SHISAL1: variants seen among roughly 807,000 people sequenced by gnomAD.
SHISAL1 encodes the protein protein shisa-like-1.
A neutral mutation model predicts 22.6 loss-of-function variants in SHISAL1; 9 were observed. The ratio of observed to expected loss-of-function variants is 0.40; its 90% CI spans 0.24 to 0.70. The LOEUF (loss-of-function observed/expected upper bound fraction) is 0.70. SHISAL1 is among the 30% of genes least tolerant of loss of function. The probability of loss-of-function intolerance (pLI) is 0.39; values close to 1 mark genes in which losing one functional copy is unlikely to be tolerated. For synonymous variants in SHISAL1, 119 were observed against 115.4 expected (o/e 1.03, Z -0.20); for missense variants, 246 against 270.6 (o/e 0.91, Z 0.64).
intron 2 of SHISAL1, among the ~76,000 whole-genome samples, chr22:44,297,878 C>T (rs1461057797): frequency 2.0e-5 from 3 of 152,230 alleles, no homozygotes; most frequent in Non-Finnish European, 4.4e-5. Flanking sequence ...GCAGGAGTTC[C>T]TCCAGCTCGT....
intron 4 of SHISAL1, among the ~76,000 whole-genome samples, chr22:44,261,615 T>C (rs7286175): frequency 0.11 from 17,362 of 152,234 alleles, 1,244 homozygotes; most frequent in East Asian, 0.29. Flanking sequence ...ATCGCTCCTG[T>C]GGACACAGCC....
rs1271840707 is a variant in SHISAL1 at position 44,246,418 on chromosome 22, T to C, written c.*3267A>G. On this transcript the variant is annotated 3_prime_UTR_variant, in exon 5 of 5. Coordinates refer to ENST00000381176, the MANE Select transcript of SHISAL1 (RefSeq NM_001099294.2). ...AAATTACATGGTGATGGACAGAAGCTCACAGTAAAAAGTAAAAGTAGGCAG... is the reference window on the plus strand; with the variant it reads ...AAATTACATGGTGATGGACAGAAGCCCACAGTAAAAAGTAAAAGTAGGCAG... 2.0e-5 allele frequency: 3 copies of C among 152,158 alleles called. No individual in the cohort carries two copies. Among genetic ancestry groups the C allele is most frequent in the African/African-American group, 7.2e-5 (3 of 41,434 alleles). The allele number at this position is 152,158 out of a possible 1,614,324, so 9.4% of individuals were successfully genotyped here.
chr22:44,245,583 T>C lies in SHISAL1; in HGVS notation c.*4102A>G, dbSNP rs2147261714. The C allele has an allele frequency of 6.6e-6, 1 of 152,302 alleles. No homozygotes were observed. Among genetic ancestry groups the C allele is most frequent in the South Asian group, 2.1e-4 (1 of 4,810 alleles). The allele number at this position is 152,302 out of a possible 1,614,324, so 9.4% of individuals were successfully genotyped here. ...CACAGTCTCTAATAGACAGACATGG[T>C]GATTGTGAAAGCAGCCGAGCCAGCG... On this transcript the variant is annotated 3_prime_UTR_variant, in exon 5 of 5. Coordinates refer to ENST00000381176, the MANE Select transcript of SHISAL1 (RefSeq NM_001099294.2).
At chr22:44,330,917 G>C in the SHISAL1 span, among the ~76,000 whole-genome samples, 1 of 151,956 alleles carries the variant, frequency 6.6e-6, no homozygotes, top group South Asian at 2.1e-4. Flanking sequence ...CACTTGGGAG[G>C]GGTCCTTCTA....
intron 4 of SHISAL1, among the ~76,000 whole-genome samples, chr22:44,267,860 C>G (rs1275947698): frequency 1.3e-5 from 2 of 152,250 alleles, no homozygotes; most frequent in Non-Finnish European, 2.9e-5. Context: ...CAGATCCCAG[C>G]TGCCCAGAGA....
At chr22:44,271,040 GGATA>G (rs2055202554) in intron 4 of SHISAL1, among the ~76,000 whole-genome samples, 1 of 152,208 alleles carries the variant, frequency 6.6e-6, no homozygotes, top group South Asian at 2.1e-4. Flanking sequence ...CAAGAAAAGA[GGATA>G]GATTTTGGGG....
chr22:44,262,197 T>G (rs2055129665), intron 4 of SHISAL1, among the ~76,000 whole-genome samples: 1 of 152,166 alleles, frequency 6.6e-6, no homozygotes, highest in Admixed American at 6.5e-5. Flanking sequence ...GGACAAGGCT[T>G]GTTGGGACGA....
chr22:44,331,381 C>T, the SHISAL1 span, among the ~76,000 whole-genome samples: 2 of 151,308 alleles, frequency 1.3e-5, no homozygotes, highest in Middle Eastern at 3.2e-3. This position sits in a 1 kb window ranked among gnomAD's most constrained non-coding sequence, Gnocchi z 5.2. Flanking sequence ...CGCCCAGACC[C>T]TCCTCCGCCA....
chr22:44,258,072 G>A lies in SHISAL1; in HGVS notation c.*-8387C>T, dbSNP rs557048892. ...GGAGAATTGCTTGAACCCAGGAGGC[G>A]GAGGTTGCGGTGAGCTGAGATCATG... On this transcript the variant is annotated intron_variant, in intron 4 of 4. Transcript: ENST00000381176. Among the ~76,000 whole-genome samples, 14 of 152,200 alleles carry A rather than the reference G, an allele frequency of 9.2e-5. 1 individual carries two copies. Among genetic ancestry groups the A allele is most frequent in the South Asian group, 8.3e-4 (4 of 4,822 alleles).
At chr22:44,292,257 G>A (rs55928093) in intron 3 of SHISAL1, among the ~76,000 whole-genome samples, 6,441 of 152,240 alleles carry the variant, frequency 0.042, 174 homozygotes, top group Middle Eastern at 0.071. Flanking sequence ...AGCCCCTTCC[G>A]GGAGTCACAT....
At chr22:44,266,968 CAGTGG>C (rs983293785) in intron 4 of SHISAL1, among the ~76,000 whole-genome samples, 56 of 152,170 alleles carry the variant, frequency 3.7e-4, no homozygotes, top group Admixed American at 3.1e-3. Context: ...AAAAGGCAGG[CAGTGG>C]GGTGGGGATG....
At chr22:44,306,185 C>G (rs2055470323) in intron 1 of SHISAL1, among the ~76,000 whole-genome samples, 1 of 152,194 alleles carries the variant, frequency 6.6e-6, no homozygotes, top group Non-Finnish European at 1.5e-5. Flanking sequence ...TTCAATAGCA[C>G]TGATGTTCAC....
upstream of SHISAL1, among the ~76,000 whole-genome samples, chr22:44,317,358 G>C (rs996241455): frequency 1.3e-5 from 2 of 152,234 alleles, no homozygotes; most frequent in Non-Finnish European, 2.9e-5. Context: ...CCGCGCCCAG[G>C]AGGACTCCCT....
chr22:44,323,287 AC>A, the SHISAL1 span, among the ~76,000 whole-genome samples: 1 of 122,250 alleles, frequency 8.2e-6, no homozygotes, highest in Non-Finnish European at 1.7e-5. Flanking sequence ...CCATCCATCC[AC>A]CTCACCCACC....
chr22:44,317,606 T>C (rs575632595), upstream of SHISAL1, among the ~76,000 whole-genome samples: 1 of 152,346 alleles, frequency 6.6e-6, no homozygotes, highest in Non-Finnish European at 1.5e-5. Flanking sequence ...CTGTGGTCTC[T>C]GGTCTCAGGT....
intron 4 of SHISAL1, among the ~76,000 whole-genome samples, chr22:44,251,420 CAGAAAGGT>C (rs2055046734): frequency 6.6e-6 from 1 of 152,150 alleles, no homozygotes; most frequent in Admixed American, 6.5e-5. Context: ...AAGAATGATT[CAGAAAGGT>C]TTACTATAAA....
intron 4 of SHISAL1, among the ~76,000 whole-genome samples, chr22:44,265,225 G>C (rs956524604): frequency 6.6e-6 from 1 of 152,106 alleles, no homozygotes; most frequent in Admixed American, 6.5e-5. Context: ...CAAGTGGCTC[G>C]CTTGTAACAA....
At position 44,296,628 on chromosome 22, in the gene SHISAL1, T is replaced by C. The variant is rs777058036; in HGVS notation, c.281+44A>G. On this transcript the variant is annotated intron_variant, in intron 3 of 4. Coordinates refer to ENST00000381176, the MANE Select transcript of SHISAL1 (RefSeq NM_001099294.2). ...GATTTTGGGAGGCAGGCCCCTTGCC[T>C]GGGGCCCGAGGCAGTGGGGTTGCAC... 4 of 1,574,658 alleles carry C rather than the reference T, an allele frequency of 2.5e-6. No homozygotes were observed. In the South Asian group the frequency reaches 4.4e-5, roughly 17 times the overall value.
chr22:44,271,381 G>T (rs900142437), intron 4 of SHISAL1, among the ~76,000 whole-genome samples: 1 of 152,052 alleles, frequency 6.6e-6, no homozygotes, highest in African/African-American at 2.4e-5. Context: ...GTTGACAAGT[G>T]CCCCTCTCCC....
Sources: gnomAD v4.1 joint callset for allele counts (sites outside exome capture counted in the v4.1 genomes callset) on GRCh38, gnomAD v4.1.1 for gene constraint, Gnocchi (gnomAD v3.1) non-coding constraint, MANE v1.5 for transcripts, NCBI Gene and HGNC (gene_info 2026-07-23, HGNC 2026-07-21) for gene names.